DGKI: variants seen among roughly 807,000 people sequenced by gnomAD.
DGKI encodes the protein DAG kinase iota.
A neutral mutation model predicts 147.5 loss-of-function variants in DGKI; 55 were observed. The observed-to-expected ratio is 0.37, with a 90% CI of 0.30 to 0.47. The LOEUF (loss-of-function observed/expected upper bound fraction) is 0.47. Ranked by LOEUF, DGKI falls within the 20% of genes least tolerant of loss-of-function variation. The pLI is 1.00. For synonymous variants in DGKI, 469 were observed against 477.1 expected (o/e 0.98, Z 0.22); for missense variants, 1,007 against 1,323.8 (o/e 0.76, Z 3.71).
At chr7:137,454,577 G>A (rs1814109917) in intron 27 of DGKI, among the ~76,000 whole-genome samples, 1 of 152,120 alleles carries the variant, frequency 6.6e-6, no homozygotes, top group Non-Finnish European at 1.5e-5. Context: ...TTAGCATTCT[G>A]TAGACAAAAT....
chr7:137,429,042 G>T (rs1812946193), intron 28 of DGKI, among the ~76,000 whole-genome samples: 1 of 150,764 alleles, frequency 6.6e-6, no homozygotes, highest in African/African-American at 2.4e-5. Flanking sequence ...CACAGAATTG[G>T]AAAAAACTAC....
chr7:137,809,539 C>G (rs548506663), intron 1 of DGKI, among the ~76,000 whole-genome samples: 2 of 152,218 alleles, frequency 1.3e-5, no homozygotes, highest in African/African-American at 2.4e-5. Flanking sequence ...ATAAAATAGA[C>G]ACTTTAGGCA....
chr7:137,719,823 G>A (rs1794491087), intron 1 of DGKI, among the ~76,000 whole-genome samples: 1 of 151,756 alleles, frequency 6.6e-6, no homozygotes, highest in East Asian at 1.9e-4. Flanking sequence ...TTTTACCACT[G>A]CAACTATAAA....
chr7:137,447,420 A>G (rs928483025), intron 27 of DGKI, among the ~76,000 whole-genome samples: 2 of 152,244 alleles, frequency 1.3e-5, no homozygotes, highest in Non-Finnish European at 2.9e-5. Context: ...GAGGTAGCAC[A>G]GAGAACAGGG....
intron 1 of DGKI, among the ~76,000 whole-genome samples, chr7:137,780,952 A>G (rs1202731210): frequency 6.6e-6 from 1 of 152,224 alleles, no homozygotes; most frequent in African/African-American, 2.4e-5. Flanking sequence ...GACTTTAAAA[A>G]GGCAGACAGA....
chr7:137,554,678 A>T (rs1818160122), intron 19 of DGKI, among the ~76,000 whole-genome samples: 1 of 152,070 alleles, frequency 6.6e-6, no homozygotes, highest in Non-Finnish European at 1.5e-5. Context: ...AGATGGAAAG[A>T]ACAGGCAATC....
chr7:137,656,330 C>T, intron 4 of DGKI, 136 bp downstream of exon 4: 1 of 833,190 alleles, frequency 1.2e-6, no homozygotes, highest in South Asian at 1.6e-5. Flanking sequence ...CATTAGTAAT[C>T]TGGTAATAAT....
intron 1 of DGKI, among the ~76,000 whole-genome samples, chr7:137,740,172 C>G (rs553630115): frequency 6.6e-6 from 1 of 152,268 alleles, no homozygotes; most frequent in African/African-American, 2.4e-5. Flanking sequence ...TTTATGCAAC[C>G]TTGAAGAGAT....
At chr7:137,816,985 T>C (rs1797756288) in intron 1 of DGKI, among the ~76,000 whole-genome samples, 1 of 152,206 alleles carries the variant, frequency 6.6e-6, no homozygotes, top group African/African-American at 2.4e-5. Context: ...CCAGGAGTTA[T>C]GACAAAATCT....
At chr7:137,644,787 C>A (rs1325699748) in intron 6 of DGKI, among the ~76,000 whole-genome samples, 1 of 152,136 alleles carries the variant, frequency 6.6e-6, no homozygotes, top group Non-Finnish European at 1.5e-5. Flanking sequence ...CCCAGAGGAC[C>A]CTGTCATCCT....
chr7:137,410,645 G>T (rs1424351735), intron 29 of DGKI, among the ~76,000 whole-genome samples: 8 of 152,214 alleles, frequency 5.3e-5, no homozygotes, highest in Non-Finnish European at 1.2e-4. Flanking sequence ...ATAAACTCAG[G>T]ATCTTGGGAA....
At chr7:137,527,272 C>G (rs546006245) in intron 20 of DGKI, among the ~76,000 whole-genome samples, 3 of 152,140 alleles carry the variant, frequency 2.0e-5, no homozygotes, top group Admixed American at 6.6e-5. Flanking sequence ...ATCGCCCTAG[C>G]GCTTCTGCAA....
intron 6 of DGKI, among the ~76,000 whole-genome samples, chr7:137,638,068 G>T (rs1198692993): frequency 6.6e-6 from 1 of 152,100 alleles, no homozygotes. Context: ...AACGGTAAAT[G>T]AGGATTTGGG....
chr7:137,702,179 A>C (rs1824007112), intron 1 of DGKI, among the ~76,000 whole-genome samples: 1 of 152,252 alleles, frequency 6.6e-6, no homozygotes, highest in Admixed American at 6.5e-5. Context: ...CCTAAAAGTT[A>C]AAACTATAAA....
At chr7:137,474,714 G>T (rs1469191339) in intron 23 of DGKI, among the ~76,000 whole-genome samples, 1 of 152,196 alleles carries the variant, frequency 6.6e-6, no homozygotes, top group Non-Finnish European at 1.5e-5. Flanking sequence ...TATCGTAGGG[G>T]AGACAGATCT....
At chr7:137,689,462 G>A (rs904879186) in intron 2 of DGKI, among the ~76,000 whole-genome samples, 4 of 152,264 alleles carry the variant, frequency 2.6e-5, no homozygotes, top group Admixed American at 2.6e-4. Flanking sequence ...AGGGAGGAAG[G>A]AAAAGCAATA....
At chr7:137,752,324 C>T (rs1357541982) in intron 1 of DGKI, among the ~76,000 whole-genome samples, 1 of 151,808 alleles carries the variant, frequency 6.6e-6, no homozygotes, top group Non-Finnish European at 1.5e-5. Context: ...GGTCCTGGTT[C>T]ACAAACTTTA....
At chr7:137,542,726 C>T (rs1817743774) in intron 20 of DGKI, among the ~76,000 whole-genome samples, 1 of 152,088 alleles carries the variant, frequency 6.6e-6, no homozygotes, top group African/African-American at 2.4e-5. Flanking sequence ...TGGAACTGTA[C>T]ACCAGAAAAG....
chr7:137,543,102 C>T (rs182706613), intron 20 of DGKI, among the ~76,000 whole-genome samples: 178 of 152,268 alleles, frequency 1.2e-3, no homozygotes, highest in Middle Eastern at 3.4e-3. Context: ...TAGAAAGACA[C>T]ATTTTGCAGT....
Sources: gnomAD v4.1 joint callset for allele counts (sites outside exome capture counted in the v4.1 genomes callset) on GRCh38, gnomAD v4.1.1 for gene constraint, MANE v1.5 for transcripts, NCBI Gene and HGNC (gene_info 2026-07-23, HGNC 2026-07-21) for gene names.